Variants in LRP1B observed in about 807,000 individuals in gnomAD.
The protein encoded by LRP1B is LDL receptor related protein 1B.
Under a neutral mutation model 556.6 loss-of-function variants are expected in LRP1B, and 217 were observed. The observed-to-expected ratio is 0.39, with a 90% confidence interval of 0.35 to 0.44. LRP1B has a LOEUF of 0.44. Among genes scored for constraint, LRP1B ranks in the 20% least tolerant of loss-of-function variants. The probability of loss-of-function intolerance (pLI) is 1.00; values close to 1 mark genes in which losing one functional copy is unlikely to be tolerated. For synonymous variants in LRP1B, 2,047 were observed against 1,865.8 expected, an observed-to-expected ratio of 1.10 and a Z score of -2.50; for missense variants, 5,053 against 5,620.8, an observed-to-expected ratio of 0.90 and a Z score of 3.23.
intron 32 of LRP1B, among the ~76,000 whole-genome samples, chr2:140,777,992 G>A (rs62173594): frequency 0.43 from 65,763 of 151,796 alleles, 15,686 homozygotes; most frequent in East Asian, 0.66. Context: ...AGGAATCACT[G>A]AATTCACTAC....
chr2:141,817,609 C>G (rs6718590), intron 1 of LRP1B, among the ~76,000 whole-genome samples: 11,668 of 152,056 alleles, frequency 0.077, 489 homozygotes, highest in Admixed American at 0.086. Context: ...AGATGAACTG[C>G]TAATTTTGAT....
intron 83 of LRP1B, among the ~76,000 whole-genome samples, chr2:140,310,941 T>C (rs999468309): frequency 4.0e-5 from 6 of 151,582 alleles, no homozygotes; most frequent in African/African-American, 1.2e-4. Flanking sequence ...GCAAAATAAA[T>C]AATCACAAGA....
chr2:142,005,886 G>GAA (rs1418361673), intron 1 of LRP1B, among the ~76,000 whole-genome samples: 6 of 100,486 alleles, frequency 6.0e-5, no homozygotes, highest in Admixed American at 5.1e-4. Context: ...ATCCTCTCAT[G>GAA]AAAAAAAAAA....
At chr2:140,973,738 C>T (rs1696507990) in intron 18 of LRP1B, among the ~76,000 whole-genome samples, 1 of 152,048 alleles carries the variant, frequency 6.6e-6, no homozygotes, top group Non-Finnish European at 1.5e-5. Flanking sequence ...GAACTTTTTA[C>T]ATTTTAAAAC....
chr2:140,938,452 T>C (rs1451794808), intron 20 of LRP1B, among the ~76,000 whole-genome samples: 1 of 152,096 alleles, frequency 6.6e-6, no homozygotes, highest in Non-Finnish European at 1.5e-5. Flanking sequence ...ATTACAGTGA[T>C]CTGTAGTAAG....
intron 1 of LRP1B, among the ~76,000 whole-genome samples, chr2:142,023,145 AC>A (rs1473592790): frequency 1.3e-5 from 2 of 151,686 alleles, no homozygotes; most frequent in Non-Finnish European, 2.9e-5. Flanking sequence ...CCTTACCCTT[AC>A]CCCCAGTGCC....
chr2:141,164,179 G>T (rs1233339139), intron 7 of LRP1B, among the ~76,000 whole-genome samples: 2 of 151,878 alleles, frequency 1.3e-5, no homozygotes, highest in Admixed American at 6.6e-5. Flanking sequence ...ATCTTTCAAA[G>T]AAATTAATGA....
chr2:141,706,904 A>C (rs1692162662), intron 2 of LRP1B, among the ~76,000 whole-genome samples: 1 of 152,126 alleles, frequency 6.6e-6, no homozygotes, highest in South Asian at 2.1e-4. Context: ...TCTAATTTCT[A>C]TCTTAGGCAA....
chr2:141,856,370 A>T (rs986818179), intron 1 of LRP1B, among the ~76,000 whole-genome samples: 1 of 152,144 alleles, frequency 6.6e-6, no homozygotes, highest in Admixed American at 6.6e-5. Flanking sequence ...TTAAGGCAAG[A>T]GCTTGTCTAA....
chr2:141,200,067 T>C (rs1681936908), intron 6 of LRP1B, among the ~76,000 whole-genome samples: 1 of 152,152 alleles, frequency 6.6e-6, no homozygotes, highest in African/African-American at 2.4e-5. Flanking sequence ...AGCAATCCCA[T>C]TACTGGGCAT....
At chr2:141,328,283 T>C (rs1253428784) in intron 3 of LRP1B, among the ~76,000 whole-genome samples, 1 of 152,242 alleles carries the variant, frequency 6.6e-6, no homozygotes, top group Non-Finnish European at 1.5e-5. Flanking sequence ...ACTCAATCTC[T>C]ATACCTCACT....
intron 21 of LRP1B, among the ~76,000 whole-genome samples, chr2:140,921,954 T>C (rs1009239949): frequency 2.0e-5 from 3 of 152,014 alleles, no homozygotes; most frequent in African/African-American, 4.8e-5. Flanking sequence ...TATGTAATTA[T>C]AGGGAGCAAA....
intron 2 of LRP1B, among the ~76,000 whole-genome samples, chr2:141,651,117 T>G (rs1689772953): frequency 6.6e-6 from 1 of 152,198 alleles, no homozygotes; most frequent in Non-Finnish European, 1.5e-5. Flanking sequence ...CAATTTCTCT[T>G]GTCAAAACCA....
chr2:141,773,976 A>G (rs556895501), intron 2 of LRP1B, among the ~76,000 whole-genome samples: 4 of 152,336 alleles, frequency 2.6e-5, no homozygotes, highest in Non-Finnish European at 4.4e-5. Flanking sequence ...CTTTTCTCAA[A>G]AATGTACCAG....
At chr2:141,878,948 C>G (rs2104889486) in intron 1 of LRP1B, among the ~76,000 whole-genome samples, 1 of 151,990 alleles carries the variant, frequency 6.6e-6, no homozygotes. Flanking sequence ...GTACCTCCAC[C>G]ATCACCATTT....
chr2:140,569,565 T>C (rs2105101804), intron 43 of LRP1B, among the ~76,000 whole-genome samples: 1 of 152,012 alleles, frequency 6.6e-6, no homozygotes, highest in African/African-American at 2.4e-5. Context: ...ATGTTATTAA[T>C]TTTGAAGAAA....
chr2:141,523,798 C>T (rs1428089730), intron 2 of LRP1B, among the ~76,000 whole-genome samples: 1 of 152,140 alleles, frequency 6.6e-6, no homozygotes, highest in African/African-American at 2.4e-5. Flanking sequence ...TACATGTTCT[C>T]CCTGCTACCA....
intron 41 of LRP1B, among the ~76,000 whole-genome samples, chr2:140,666,700 C>A (rs937019757): frequency 6.6e-6 from 1 of 152,096 alleles, no homozygotes; most frequent in Non-Finnish European, 1.5e-5. Context: ...ATTTCAAAAT[C>A]TTGGCTTTAA....
In LRP1B at chr2:140,756,711, G is replaced by A. The variant is rs548554880; in HGVS notation, c.5758+12502C>T. Among the ~76,000 whole-genome samples the A allele has an allele frequency of 5.3e-4, 81 of 152,128 alleles. 1 individual carries two copies. The highest frequency in any genetic ancestry group is 5.6e-4 in the Non-Finnish European group (38 of 67,968). On this transcript the variant is annotated intron_variant, in intron 35 of 90. Transcript: ENST00000389484. Reference sequence around the variant, plus strand: ...ATCTAAATTTAAAAGTTAAAACATTGCATTTAAAAAGAAACATGGAATTAA... The same window carrying A: ...ATCTAAATTTAAAAGTTAAAACATTACATTTAAAAAGAAACATGGAATTAA...
Sources: allele counts gnomAD v4.1 joint callset (sites outside exome capture counted in the v4.1 genomes callset), GRCh38; gene constraint gnomAD v4.1.1; transcripts MANE v1.5; gene names NCBI Gene and HGNC (gene_info 2026-07-23, HGNC 2026-07-21).